Variants in KLF7 observed in about 807,000 individuals in gnomAD.
KLF7 encodes KLF transcription factor 7, also known as Krueppel-like factor 7.
A neutral mutation model predicts 27.3 loss-of-function variants in KLF7; 2 were observed. That is an observed-to-expected ratio of 0.07 (90% CI 0.03 to 0.23). KLF7 has a LOEUF of 0.23. Among genes scored for constraint, KLF7 ranks in the 10% least tolerant of loss-of-function variants. The pLI is 1.00. For synonymous variants in KLF7, 165 were observed against 162.4 expected (o/e 1.02, Z -0.12); for missense variants, 221 against 394.1 (o/e 0.56, Z 3.72).
Position 207,077,801 on chromosome 2 carries a change from A to T in KLF7, c.*3412T>A, listed in dbSNP as rs1455783466. 1 of 152,182 alleles carries T rather than the reference A, an allele frequency of 6.6e-6. No individual in the cohort carries two copies. The highest frequency in any genetic ancestry group is 2.4e-5 in the African/African-American group (1 of 41,454). 9.4% of individuals were successfully genotyped at this position (152,182 alleles called of 1,614,324 possible). ...TATAATTTGAAATTACAAAAAAAAA[A>T]AATTGTCAGTGGCTTAGAAACTCTT... On this transcript the variant is annotated 3_prime_UTR_variant, in exon 4 of 4. Coordinates refer to ENST00000309446, the MANE Select transcript of KLF7 (RefSeq NM_003709.4).
At chr2:207,161,606 T>C (rs2078547817) in intron 1 of KLF7, among the ~76,000 whole-genome samples, 2 of 152,180 alleles carry the variant, frequency 1.3e-5, no homozygotes, top group African/African-American at 4.8e-5. Context: ...GGAGAAGCAA[T>C]GTGGCTCACA....
chr2:207,095,709 C>T (rs574161547), intron 2 of KLF7, among the ~76,000 whole-genome samples: 1 of 152,274 alleles, frequency 6.6e-6, no homozygotes, highest in African/African-American at 2.4e-5. Context: ...TTTGGTAGAA[C>T]TGCATTTAAC....
In KLF7 at chr2:207,104,302, C is replaced by T. The variant is rs147549577; in HGVS notation, c.734-15721G>A. On this transcript the variant is annotated intron_variant, in intron 2 of 3. Coordinates refer to ENST00000309446, the MANE Select transcript of KLF7 (RefSeq NM_003709.4). Reference sequence around the variant, plus strand: ...ATCTCTGATGAAATGTCTATATTTTCCTTCCTCGTGTAGATACACATATAG... The same window carrying T: ...ATCTCTGATGAAATGTCTATATTTTTCTTCCTCGTGTAGATACACATATAG... Among the ~76,000 whole-genome samples the T allele has an allele frequency of 7.7e-3, 1,167 of 152,258 alleles. 13 individuals are homozygous for T. Among genetic ancestry groups the T allele is most frequent in the African/African-American group, 0.026 (1,076 of 41,528 alleles).
chr2:207,126,268 A>G (rs908256697), intron 1 of KLF7, among the ~76,000 whole-genome samples: 1 of 152,078 alleles, frequency 6.6e-6, no homozygotes, highest in Non-Finnish European at 1.5e-5. Context: ...GCTCCATTCA[A>G]TTGATTTCTG....
intron 2 of KLF7, among the ~76,000 whole-genome samples, chr2:207,094,121 T>A (rs971705915): frequency 6.6e-6 from 1 of 152,244 alleles, no homozygotes; most frequent in African/African-American, 2.4e-5. Flanking sequence ...ATATGTCAAA[T>A]GTACTGTGCT....
intron 1 of KLF7, among the ~76,000 whole-genome samples, chr2:207,137,491 A>T (rs1363532022): frequency 2.0e-5 from 3 of 152,208 alleles, no homozygotes; most frequent in Admixed American, 2.0e-4. Flanking sequence ...TTTTACATGA[A>T]AAGGTATCTC....
chr2:207,100,175 G>T (rs2076732933), intron 2 of KLF7, among the ~76,000 whole-genome samples: 1 of 152,134 alleles, frequency 6.6e-6, no homozygotes, highest in African/African-American at 2.4e-5. Context: ...TTTATATCCA[G>T]ATCATGGAGA....
chr2:207,153,657 GA>G (rs908205817), intron 1 of KLF7, among the ~76,000 whole-genome samples: 5 of 149,902 alleles, frequency 3.3e-5, no homozygotes, highest in South Asian at 2.1e-4. Flanking sequence ...AATTCCAGGG[GA>G]AAAAAAAACC....
At chr2:207,151,971 T>C (rs1217750978) in intron 1 of KLF7, among the ~76,000 whole-genome samples, 8 of 152,124 alleles carry the variant, frequency 5.3e-5, no homozygotes. Context: ...GAAAACACTT[T>C]TTAAAAACAC....
Position 207,088,391 on chromosome 2 carries a change from G to T in KLF7, c.857+67C>A. On this transcript the variant is annotated intron_variant, in intron 3 of 3. Coordinates refer to ENST00000309446, the MANE Select transcript of KLF7 (RefSeq NM_003709.4). Reference sequence around the variant, plus strand: ...CTGTGATAAGTCCAAGCACACGGGTGCTGCTCACCCTCCAACCCACTTCCC... The same window carrying T: ...CTGTGATAAGTCCAAGCACACGGGTTCTGCTCACCCTCCAACCCACTTCCC... The T allele has an allele frequency of 2.6e-6, 4 of 1,552,706 alleles. No homozygotes were observed. The East Asian group carries it at 9.0e-5, about 35-fold the overall frequency.
chr2:207,166,805 C>T (rs2078726013), upstream of KLF7: 2 of 1,004,722 alleles, frequency 2.0e-6, no homozygotes, highest in Non-Finnish European at 2.4e-6. Flanking sequence ...GAACTCCCCA[C>T]GGGCTGCCAG....
rs185851328 is a variant in KLF7, at chr2:207,100,657, T to C, written c.734-12076A>G. Among the ~76,000 whole-genome samples, 488 of 152,326 alleles carry C rather than the reference T, an allele frequency of 3.2e-3. 1 individual carries two copies. Among genetic ancestry groups the C allele is most frequent in the African/African-American group, 0.011 (472 of 41,566 alleles). ...GGATGTCCCCTGCTCAGAATGTGCC[T>C]ATTCTCCACATGTCACCCCATCCGC... On this transcript the variant is annotated intron_variant, in intron 2 of 3. Transcript: ENST00000309446.
At chr2:207,097,394 T>C (rs2076656830) in intron 2 of KLF7, among the ~76,000 whole-genome samples, 1 of 152,194 alleles carries the variant, frequency 6.6e-6, no homozygotes, top group East Asian at 1.9e-4. Flanking sequence ...TTAAAGTTGC[T>C]ATTCATAGTG....
chr2:207,092,031 G>A (rs1432907673), intron 2 of KLF7, among the ~76,000 whole-genome samples: 1 of 152,198 alleles, frequency 6.6e-6, no homozygotes, highest in Non-Finnish European at 1.5e-5. Flanking sequence ...TACCAGAGCA[G>A]GTTTCATGCA....
chr2:207,106,584 T>C (rs1052302412), intron 2 of KLF7, among the ~76,000 whole-genome samples: 1 of 152,198 alleles, frequency 6.6e-6, no homozygotes, highest in Non-Finnish European at 1.5e-5. Context: ...GTCAATCAAG[T>C]ATCCTAGGGT....
chr2:207,123,538 T>C lies in KLF7; in HGVS notation c.733+236A>G, dbSNP rs573605235. ...GGCCCCCTTCAGCCATCCTCAGAAT[T>C]GTATGATTCTATGCTGTGGTTGGCA... On this transcript the variant is annotated intron_variant, in intron 2 of 3. Transcript: ENST00000309446. Among the ~76,000 whole-genome samples, 6 of 152,278 alleles carry C rather than the reference T, an allele frequency of 3.9e-5. No homozygotes were observed. The South Asian group carries it at 1.2e-3, about 32-fold the overall frequency.
chr2:207,095,858 T>C (rs2076616912), intron 2 of KLF7, among the ~76,000 whole-genome samples: 1 of 152,238 alleles, frequency 6.6e-6, no homozygotes, highest in Admixed American at 6.5e-5. Context: ...TTGAAATGAT[T>C]ATATTTTAGA....
intron 1 of KLF7, among the ~76,000 whole-genome samples, chr2:207,135,928 G>A (rs2077772451): frequency 6.6e-6 from 1 of 152,204 alleles, no homozygotes. Flanking sequence ...TGTGTTGGAA[G>A]TAAAAGCTGT....
At chr2:207,166,719 G>C (rs1288984419), upstream of KLF7, 1 of 846,170 alleles carries the variant, frequency 1.2e-6, no homozygotes, top group Non-Finnish European at 1.4e-6. Flanking sequence ...ACGGGGCAGG[G>C]ACCCGCGCGA....
Sources: allele counts gnomAD v4.1 joint callset (sites outside exome capture counted in the v4.1 genomes callset), GRCh38; gene constraint gnomAD v4.1.1; transcripts MANE v1.5; gene names NCBI Gene and HGNC (gene_info 2026-07-23, HGNC 2026-07-21).